GALNT18: variants seen among roughly 807,000 people sequenced by gnomAD.
The protein encoded by GALNT18 is GalNAc-transferase 18.
In GALNT18, 44 loss-of-function variants were observed where a neutral mutation model predicts 69.5. The ratio of observed to expected loss-of-function variants is 0.63; its 90% CI spans 0.50 to 0.81. The LOEUF (loss-of-function observed/expected upper bound fraction) is 0.81. Ranked by LOEUF, GALNT18 falls within the 40% of genes least tolerant of loss-of-function variation. GALNT18 has a pLI of 0.00. For synonymous variants in GALNT18, 364 were observed against 318.2 expected (o/e 1.14, Z -1.53); for missense variants, 715 against 810.0 (o/e 0.88, Z 1.42).
At chr11:11,450,038 G>A (rs766981630) in intron 1 of GALNT18, among the ~76,000 whole-genome samples, 4 of 152,156 alleles carry the variant, frequency 2.6e-5, no homozygotes, top group Non-Finnish European at 5.9e-5. Flanking sequence ...AGGCCATCAG[G>A]TGAATCATTT....
At chr11:11,352,130 G>A (rs1188103901) in intron 6 of GALNT18, 2 of 1,613,484 alleles carry the variant, frequency 1.2e-6, no homozygotes, top group Non-Finnish European at 1.7e-6. Context: ...TTCGAGCCTG[G>A]TCCTTCACAA....
chr11:11,464,484 C>A (rs1856114798), intron 1 of GALNT18, among the ~76,000 whole-genome samples: 1 of 152,162 alleles, frequency 6.6e-6, no homozygotes, highest in Admixed American at 6.5e-5. Context: ...GAGGCATGGG[C>A]CCAGATCTAA....
intron 3 of GALNT18, among the ~76,000 whole-genome samples, chr11:11,407,458 A>G (rs1378504963): frequency 6.6e-6 from 1 of 152,212 alleles, no homozygotes; most frequent in Non-Finnish European, 1.5e-5. Flanking sequence ...AGCCTGTGCC[A>G]CTTCAGCACA....
At chr11:11,422,968 A>C (rs1855044487) in intron 3 of GALNT18, among the ~76,000 whole-genome samples, 1 of 152,206 alleles carries the variant, frequency 6.6e-6, no homozygotes, top group African/African-American at 2.4e-5. Context: ...GGCTCAACCC[A>C]TTGTTAGTGG....
chr11:11,352,606 G>C, intron 6 of GALNT18: 2 of 1,614,128 alleles, frequency 1.2e-6, no homozygotes, highest in Non-Finnish European at 1.7e-6. Flanking sequence ...TCTATTAGTC[G>C]TAGCTTTCTG....
chr11:11,358,333 C>T (rs1850573637), intron 6 of GALNT18, among the ~76,000 whole-genome samples: 1 of 139,942 alleles, frequency 7.1e-6, no homozygotes. Flanking sequence ...TTGGTTATTT[C>T]CACTGTTATT....
In GALNT18 at chr11:11,387,131, C is replaced by T. The variant is rs1036796057; in HGVS notation, c.596-7867G>A. Reference sequence around the variant, plus strand: ...CAAGGATGTAAATGCAGTCTGAAAACGGCTGCCTCACACCTGCCCAGGTAA... The same window carrying T: ...CAAGGATGTAAATGCAGTCTGAAAATGGCTGCCTCACACCTGCCCAGGTAA... On this transcript the variant is annotated intron_variant, in intron 3 of 10. Transcript: ENST00000227756. The surrounding 1 kb of genome is among the most constrained non-coding windows in gnomAD (Gnocchi z 4.6). 2.0e-5 allele frequency among the ~76,000 whole-genome samples: 3 copies of T among 152,206 alleles called. No homozygotes were observed. Among genetic ancestry groups the T allele is most frequent in the Non-Finnish European group, 2.9e-5 (2 of 68,032 alleles).
At chr11:11,273,171 G>A (rs546348524) in intron 10 of GALNT18, among the ~76,000 whole-genome samples, 1 of 152,104 alleles carries the variant, frequency 6.6e-6, no homozygotes, top group African/African-American at 2.4e-5. Context: ...GACCTCAAAA[G>A]CACAGGCAAC....
At chr11:11,400,858 C>A (rs1854446143) in intron 3 of GALNT18, among the ~76,000 whole-genome samples, 1 of 151,942 alleles carries the variant, frequency 6.6e-6, no homozygotes, top group Non-Finnish European at 1.5e-5. Context: ...TGCTGCCAAT[C>A]TCTTTCTATT....
Position 11,614,119 on chromosome 11 carries a change from A to C in GALNT18, c.235+7240T>G, listed in dbSNP as rs1389706270. ...CCCTCAAGACCCAAATCAAGACAAT[A>C]GCTTTGTATTAGTCCATTTTGCATT... On this transcript the variant is annotated intron_variant, in intron 1 of 10. Transcript: ENST00000227756. The surrounding 1 kb of genome is among the most constrained non-coding windows in gnomAD (Gnocchi z 5.6). Among the ~76,000 whole-genome samples, 1 of 152,100 alleles carries C rather than the reference A, an allele frequency of 6.6e-6. No individual in the cohort carries two copies. The highest frequency in any genetic ancestry group is 1.9e-4 in the East Asian group (1 of 5,186).
rs188080333 is a variant in GALNT18, at chr11:11,494,408, A to G, written c.236-45472T>C. Among the ~76,000 whole-genome samples the G allele has an allele frequency of 6.6e-6, 1 of 152,198 alleles. No homozygotes were observed. Among genetic ancestry groups the G allele is most frequent in the Non-Finnish European group, 1.5e-5 (1 of 67,998 alleles). On this transcript the variant is annotated intron_variant, in intron 1 of 10. Coordinates refer to ENST00000227756, the MANE Select transcript of GALNT18 (RefSeq NM_198516.3). The surrounding 1 kb of genome is among the most constrained non-coding windows in gnomAD (Gnocchi z 5.7). ...CCATCTTGTCTGAGAATGACAACCT[A>G]CTTCAAGGGGCCATGCCCAGGACTG...
At chr11:11,364,086 A>G (rs942562346) in intron 6 of GALNT18, among the ~76,000 whole-genome samples, 2 of 151,322 alleles carry the variant, frequency 1.3e-5, no homozygotes, top group African/African-American at 2.5e-5. Flanking sequence ...TTGAGAATCA[A>G]TTCATTATTT....
intron 1 of GALNT18, among the ~76,000 whole-genome samples, chr11:11,509,666 C>G (rs1330808495): frequency 2.0e-5 from 3 of 152,224 alleles, no homozygotes; most frequent in Non-Finnish European, 4.4e-5. Flanking sequence ...AGTCATTTCT[C>G]CCTCAGCACA....
At chr11:11,483,634 G>T (rs923015604) in intron 1 of GALNT18, among the ~76,000 whole-genome samples, 2 of 151,874 alleles carry the variant, frequency 1.3e-5, no homozygotes, top group African/African-American at 4.8e-5. Flanking sequence ...GTTCAGGAAA[G>T]GTCAGCACGC....
At chr11:11,434,808 T>C (rs567272771) in intron 2 of GALNT18, among the ~76,000 whole-genome samples, 2 of 152,298 alleles carry the variant, frequency 1.3e-5, no homozygotes, top group African/African-American at 4.8e-5. Flanking sequence ...ATCGGATCTT[T>C]TTCAATTTTT....
At chr11:11,482,685 A>C (rs1856560003) in intron 1 of GALNT18, among the ~76,000 whole-genome samples, 1 of 152,242 alleles carries the variant, frequency 6.6e-6, no homozygotes, top group African/African-American at 2.4e-5. Flanking sequence ...AAACGTGTTA[A>C]GAAGAAGAAA....
Position 11,604,759 on chromosome 11 carries a change from T to C in GALNT18, c.235+16600A>G, listed in dbSNP as rs1311561203. Among the ~76,000 whole-genome samples, 1 of 152,180 alleles carries C rather than the reference T, an allele frequency of 6.6e-6. No homozygotes were observed. Among genetic ancestry groups the C allele is most frequent in the African/African-American group, 2.4e-5 (1 of 41,438 alleles). On this transcript the variant is annotated intron_variant, in intron 1 of 10. Transcript: ENST00000227756. The surrounding 1 kb of genome is among the most constrained non-coding windows in gnomAD (Gnocchi z 5.6). ...TGCCCCAGGGAAGAATCAGCCTCAA[T>C]GACAGTTTGGTATTAACTAGCTCAG... is the stretch of plus-strand genomic sequence containing the variant.
chr11:11,271,038 A>G lies in GALNT18; in HGVS notation c.*106T>C, dbSNP rs1848815368. 1 of 1,042,774 alleles carries G rather than the reference A, an allele frequency of 9.6e-7. No homozygotes were observed. The highest frequency in any genetic ancestry group is 1.6e-5 in the African/African-American group (1 of 63,854). 64.6% of individuals were successfully genotyped at this position (1,042,774 alleles called of 1,614,324 possible). A position where few individuals can be genotyped will look rare whatever the true frequency, so the allele number is the denominator to read the frequency against. ...AATAAAAAGCTCTTCTTGGGGGCCC[A>G]CTAACCTGGTTCCCCAGACTCCAAA... is the stretch of plus-strand genomic sequence containing the variant. On this transcript the variant is annotated 3_prime_UTR_variant, in exon 11 of 11. Transcript: ENST00000227756.
chr11:11,441,199 C>A (rs1218060011), intron 2 of GALNT18, among the ~76,000 whole-genome samples: 1 of 152,172 alleles, frequency 6.6e-6, no homozygotes, highest in African/African-American at 2.4e-5. Flanking sequence ...TCAAGAATAA[C>A]ATTATACTCT....
Sources: gnomAD v4.1 joint callset for allele counts (sites outside exome capture counted in the v4.1 genomes callset) on GRCh38, gnomAD v4.1.1 for gene constraint, Gnocchi (gnomAD v3.1) non-coding constraint, MANE v1.5 for transcripts, NCBI Gene and HGNC (gene_info 2026-07-23, HGNC 2026-07-21) for gene names.